PRP4K: variants seen among roughly 807,000 people sequenced by gnomAD.
The protein encoded by PRP4K is serine/threonine-protein kinase PRP4 homolog.
the PRP4K span, among the ~76,000 whole-genome samples, chr6:4,057,373 C>T: frequency 6.6e-6 from 1 of 152,116 alleles, no homozygotes; most frequent in Admixed American, 6.5e-5. Context: ...ATCAGCCAAG[C>T]GCTAAGGATA....
chr6:4,051,084 A>G, the PRP4K span, among the ~76,000 whole-genome samples: 1 of 151,704 alleles, frequency 6.6e-6, no homozygotes, highest in African/African-American at 2.4e-5. Context: ...TAATTCTTGT[A>G]TTTTCACTAG....
the PRP4K span, among the ~76,000 whole-genome samples, chr6:4,027,531 C>G: frequency 7.8e-6 from 1 of 128,782 alleles, no homozygotes; most frequent in East Asian, 2.3e-4. Context: ...CTCAGCTCCA[C>G]AGGATTTTTG....
the PRP4K span, among the ~76,000 whole-genome samples, chr6:4,036,419 G>A: frequency 2.6e-3 from 391 of 152,178 alleles, 16 homozygotes; most frequent in South Asian, 0.034. Context: ...ATAGGGTTTC[G>A]CCATGTTACC....
the PRP4K span, chr6:4,058,808 A>C: frequency 1.2e-6 from 2 of 1,606,112 alleles, no homozygotes; most frequent in Non-Finnish European, 1.7e-6. Flanking sequence ...ATAAAGTAAC[A>C]GAGAGGGTAA....
At chr6:4,035,889 C>T in the PRP4K span, among the ~76,000 whole-genome samples, 7 of 151,906 alleles carry the variant, frequency 4.6e-5, no homozygotes, top group African/African-American at 1.7e-4. Context: ...CTCTTGAAGC[C>T]GGGAGACAGA....
the PRP4K span, among the ~76,000 whole-genome samples, chr6:4,029,911 A>T: frequency 4.0e-5 from 6 of 149,864 alleles, no homozygotes; most frequent in African/African-American, 1.5e-4. Flanking sequence ...AAGGAGGCAG[A>T]TACTGGTTTT....
chr6:4,051,410 G>A, the PRP4K span, among the ~76,000 whole-genome samples: 4 of 151,960 alleles, frequency 2.6e-5, no homozygotes, highest in South Asian at 8.3e-4. Flanking sequence ...TCCGTCTCCC[G>A]GGTTCAAGCC....
chr6:4,049,324 A>G, the PRP4K span: 25 of 503,886 alleles, frequency 5.0e-5, no homozygotes, highest in East Asian at 8.1e-4. Flanking sequence ...TTGATGTACA[A>G]CCTAAATATA....
At chr6:4,052,200 T>G in the PRP4K span, 3 of 1,287,036 alleles carry the variant, frequency 2.3e-6, no homozygotes, top group Non-Finnish European at 3.1e-6. Context: ...TTTGATTTGT[T>G]TTATCCACAC....
the PRP4K span, chr6:4,063,274 A>C: frequency 1.3e-5 from 2 of 152,102 alleles, no homozygotes; most frequent in Non-Finnish European, 2.9e-5. Context: ...TTGTTTTATC[A>C]TACTTCCTGC....
chr6:4,051,640 A>G, the PRP4K span, among the ~76,000 whole-genome samples: 1 of 152,190 alleles, frequency 6.6e-6, no homozygotes, highest in Non-Finnish European at 1.5e-5. Context: ...AATATACAAG[A>G]TTGATATTCC....
the PRP4K span, chr6:4,037,505 G>A: frequency 5.0e-6 from 8 of 1,613,964 alleles, no homozygotes; most frequent in Non-Finnish European, 5.9e-6. Flanking sequence ...CCATTAGAAG[G>A]AGGTCTCGTT....
the PRP4K span, chr6:4,032,255 G>A: frequency 3.7e-6 from 6 of 1,612,898 alleles, no homozygotes; most frequent in Non-Finnish European, 5.1e-6. Flanking sequence ...CCCTTAGAAG[G>A]CGATCTCAAG....
the PRP4K span, among the ~76,000 whole-genome samples, chr6:4,043,621 C>A: frequency 6.6e-6 from 1 of 152,098 alleles, no homozygotes; most frequent in Non-Finnish European, 1.5e-5. Context: ...GAAAGAAAAA[C>A]TTTTTCAGAT....
the PRP4K span, among the ~76,000 whole-genome samples, chr6:4,047,505 A>G: frequency 6.6e-6 from 1 of 152,238 alleles, no homozygotes; most frequent in Non-Finnish European, 1.5e-5. Flanking sequence ...TCATTTGTAC[A>G]GTATTGTGTA....
the PRP4K span, among the ~76,000 whole-genome samples, chr6:4,047,877 G>A: frequency 3.5e-5 from 5 of 143,690 alleles, no homozygotes; most frequent in African/African-American, 1.3e-4. Context: ...TAAAAATGTG[G>A]TAAGATAAAT....
At chr6:4,040,611 C>T in the PRP4K span, among the ~76,000 whole-genome samples, 9 of 152,178 alleles carry the variant, frequency 5.9e-5, no homozygotes, top group South Asian at 2.1e-4. Context: ...AATTTTCAAA[C>T]GACCTTTTTA....
the PRP4K span, chr6:4,052,629 C>A: frequency 9.3e-7 from 1 of 1,072,876 alleles, no homozygotes; most frequent in South Asian, 1.8e-5. Flanking sequence ...CTTGATTTTA[C>A]TTTATGCTTG....
the PRP4K span, chr6:4,047,318 GAGAA>G: frequency 8.3e-7 from 1 of 1,204,908 alleles, no homozygotes; most frequent in Non-Finnish European, 1.2e-6. Context: ...TATACATATA[GAGAA>G]AGAAGAATAA....
Sources: gnomAD v4.1 joint callset for allele counts (sites outside exome capture counted in the v4.1 genomes callset) on GRCh38, gnomAD v4.1.1 for gene constraint, MANE v1.5 for transcripts, NCBI Gene and HGNC (gene_info 2026-07-23, HGNC 2026-07-21) for gene names.